Variants in HDX observed in about 807,000 individuals in gnomAD.
HDX encodes highly divergent homeobox.
In HDX, 19 loss-of-function variants were observed where a neutral mutation model predicts 45.2. The ratio of observed to expected loss-of-function variants is 0.42; its 90% CI spans 0.29 to 0.62. The LOEUF (loss-of-function observed/expected upper bound fraction) is 0.62, where lower values mean the gene tolerates loss of function less well. HDX is among the 20% of genes least tolerant of loss of function. HDX has a pLI of 0.20. For missense variants in HDX, 532 were observed against 493.9 expected, an observed-to-expected ratio of 1.08 and a Z score of -0.73; for synonymous variants, 188 against 172.8, an observed-to-expected ratio of 1.09 and a Z score of -0.69.
chrX:84,401,342 A>T (rs2038700963), intron 5 of HDX, among the ~76,000 whole-genome samples: 1 of 112,045 alleles, frequency 8.9e-6, no homozygotes, highest in Non-Finnish European at 1.9e-5. Flanking sequence ...ATCTACAAGG[A>T]ACTTAATCAA....
At chrX:84,364,333 G>C (rs1226087023) in intron 5 of HDX, among the ~76,000 whole-genome samples, 2 of 109,924 alleles carry the variant, frequency 1.8e-5, no homozygotes, top group African/African-American at 6.6e-5. Context: ...GTGTGTTAGA[G>C]ATTTTTCTAA....
Position 84,459,310 on chromosome X carries a change from C to T in HDX, c.1251+9162G>A, listed in dbSNP as rs1195801629. On this transcript the variant is annotated intron_variant, in intron 4 of 10. Coordinates refer to ENST00000373177, the MANE Select transcript of HDX (RefSeq NM_001177479.2). ...ACAAAAAATTAGCCGGGCGTGGTGG[C>T]GGGCGCCTGTAGTCCCAGCTGCTCG... Among the ~76,000 whole-genome samples, 6 of 109,698 alleles carry T rather than the reference C, an allele frequency of 5.5e-5. No individual in the cohort carries two copies. In the East Asian group the frequency reaches 1.7e-3, roughly 31 times the overall value.
chrX:84,465,503 A>T (rs1476568223), intron 4 of HDX, among the ~76,000 whole-genome samples: 1 of 112,459 alleles, frequency 8.9e-6, no homozygotes, highest in Non-Finnish European at 1.9e-5. Flanking sequence ...AAAAAGGATG[A>T]GTTTATGTCC....
intron 5 of HDX, among the ~76,000 whole-genome samples, chrX:84,401,916 C>T (rs2147958438): frequency 1.8e-5 from 2 of 111,733 alleles, no homozygotes; most frequent in South Asian, 7.5e-4. Flanking sequence ...AAGCTGGAAG[C>T]CATCACCCTG....
intron 5 of HDX, among the ~76,000 whole-genome samples, chrX:84,409,682 A>T (rs1453848330): frequency 1.1e-5 from 1 of 88,961 alleles, no homozygotes; most frequent in African/African-American, 4.2e-5. Flanking sequence ...ATGAGAACAC[A>T]TGGACACAGG....
intron 5 of HDX, among the ~76,000 whole-genome samples, chrX:84,437,005 A>G (rs2039652058): frequency 9.0e-6 from 1 of 110,666 alleles, no homozygotes; most frequent in South Asian, 3.7e-4. Flanking sequence ...TAATTGCTCT[A>G]TGTGGGTCCT....
In HDX at chrX:84,468,993, A is replaced by T. The variant is rs776837093; in HGVS notation, c.730T>A (p.Cys244Ser). 3.3e-6 allele frequency: 4 copies of T among 1,211,837 alleles called. No individual in the cohort carries two copies. The South Asian group carries it at 7.0e-5, about 21-fold the overall frequency. Residue 244 changes from cysteine (C) to serine (S), a missense_variant, in exon 4 of 11, where the codon TGT (cysteine) becomes AGT (serine). By Grantham distance (112) the Cys-to-Ser change is moderately radical. Coordinates refer to ENST00000373177, the MANE Select transcript of HDX (RefSeq NM_001177479.2). ...EHTGPALHNL[C>S]GQKPTIRDPY... is the part of the protein sequence containing the mutation. ...TCTCTAATAGTTGGCTTTTGCCCACATAAGTTATGTAATGCTGGGCCTGTG... is the reference window on the plus strand; with the variant it reads ...TCTCTAATAGTTGGCTTTTGCCCACTTAAGTTATGTAATGCTGGGCCTGTG...
chrX:84,413,056 T>G lies in HDX; in HGVS notation c.1305+27476A>C, dbSNP rs146503400. On this transcript the variant is annotated intron_variant, in intron 5 of 10. Transcript: ENST00000373177. Reference sequence around the variant, plus strand: ...GTCTTTCTGCTCCAGTGTCATTTTATAGTATCCCTTAAATTCCTCAGATTG... The same window carrying G: ...GTCTTTCTGCTCCAGTGTCATTTTAGAGTATCCCTTAAATTCCTCAGATTG... Among the ~76,000 whole-genome samples, 16 of 111,904 alleles carry G rather than the reference T, an allele frequency of 1.4e-4. No individual in the cohort carries two copies. In the East Asian group the frequency reaches 4.3e-3, roughly 30 times the overall value.
At position 84,469,326 on chromosome X, in the gene HDX, C is replaced by T. The variant is rs147923445; in HGVS notation, c.397G>A (p.Ala133Thr). 3.3e-6 allele frequency: 4 copies of T among 1,209,241 alleles called. No homozygotes were observed. The African/African-American group carries it at 7.0e-5, about 21-fold the overall frequency. Residue 133 changes from alanine (A) to threonine (T), a missense_variant, in exon 4 of 11, where the codon GCA (alanine) becomes ACA (threonine). Transcript: ENST00000373177. Reference sequence around the variant, plus strand: ...GTTTTCTGAATAGGGATTTTATGTGCTTCTGTAATTTGTGTGTCTGTATGT... The same window carrying T: ...GTTTTCTGAATAGGGATTTTATGTGTTTCTGTAATTTGTGTGTCTGTATGT... ...NKHTDTQITE[A>T]HKIPIQKTAT...
At chrX:84,348,785 G>C (rs2037263998) in intron 6 of HDX, among the ~76,000 whole-genome samples, 2 of 111,226 alleles carry the variant, frequency 1.8e-5, no homozygotes, top group Admixed American at 1.9e-4. Flanking sequence ...GGCTGTATTT[G>C]GTTATTATTG....
intron 5 of HDX, among the ~76,000 whole-genome samples, chrX:84,388,998 C>CA: frequency 9.0e-6 from 1 of 111,682 alleles, no homozygotes; most frequent in Admixed American, 9.5e-5. Flanking sequence ...TCTTGACACT[C>CA]AGAGGGCCAG....
chrX:84,480,467 T>A (rs2040652858), intron 2 of HDX, among the ~76,000 whole-genome samples: 1 of 111,747 alleles, frequency 8.9e-6, no homozygotes, highest in Admixed American at 9.5e-5. Context: ...TTAAGTATGA[T>A]GTTCGCTACA....
At position 84,344,299 on chromosome X, in the gene HDX, A is replaced by G; in HGVS notation, c.1611T>C (p.Asn537=). The stretch of plus-strand genomic sequence containing the variant: ...AGATGGATACTTCATCATTTCTGTC[A>G]TTATCCTCTCCTACTTCAGGCCCAG... ...EEAGPEVGED[N]DRNDEVSICL... Residue 537 remains asparagine, a synonymous_variant, in exon 7 of 11, where the codon AAT becomes AAC. Coordinates refer to ENST00000373177, the MANE Select transcript of HDX (RefSeq NM_001177479.2). The G allele has an allele frequency of 8.3e-7, 1 of 1,208,884 alleles. No individual in the cohort carries two copies. Among genetic ancestry groups the G allele is most frequent in the Non-Finnish European group, 1.1e-6 (1 of 893,341 alleles).
At chrX:84,397,433 G>A (rs779671750) in intron 5 of HDX, among the ~76,000 whole-genome samples, 25 of 111,780 alleles carry the variant, frequency 2.2e-4, no homozygotes, top group African/African-American at 6.5e-4. Flanking sequence ...GTGGTCTTCA[G>A]GCAGCTCCCT....
At position 84,344,398 on chromosome X, in the gene HDX, T is replaced by A. The variant is rs1446776767; in HGVS notation, c.1512A>T (p.Pro504=). The A allele has an allele frequency of 8.3e-7, 1 of 1,206,336 alleles. No individual in the cohort carries two copies. The stretch of plus-strand genomic sequence containing the variant: ...CAGAGAAATCAGCAGGGCCTCCTCT[T>A]GGAGGTGGAACTTCAATCCCCATTA... ...YRLMGIEVPP[P]RGGPADFSEQ... Residue 504 remains proline, a synonymous_variant, in exon 7 of 11, where the codon CCA becomes CCT. Coordinates refer to ENST00000373177, the MANE Select transcript of HDX (RefSeq NM_001177479.2).
At chrX:84,500,472 A>AC (rs1390409161) in intron 1 of HDX, among the ~76,000 whole-genome samples, 29 of 61,900 alleles carry the variant, frequency 4.7e-4, no homozygotes, top group African/African-American at 9.2e-4. Flanking sequence ...ACACACACAC[A>AC]ACAACAACAA....
intron 3 of HDX, 124 bp downstream of exon 3, chrX:84,475,127 T>C: frequency 3.9e-6 from 2 of 514,579 alleles, no homozygotes; most frequent in South Asian, 3.2e-5. Flanking sequence ...AGTATTGTTA[T>C]ACCAGGGAAG....
At position 84,318,432 on chromosome X, in the gene HDX, C is replaced by A. The variant is rs1413413256; in HGVS notation, c.*3457G>T. The A allele has an allele frequency of 9.0e-6, 1 of 110,803 alleles. No individual in the cohort carries two copies. The highest frequency in any genetic ancestry group is 1.9e-5 in the Non-Finnish European group (1 of 52,524). 9.1% of individuals were successfully genotyped at this position (110,803 alleles called of 1,213,427 possible). ...TATATTAAAAAAGTAGACAATATTT[C>A]TGGAATAACACAACTGTAATACGGA... On this transcript the variant is annotated 3_prime_UTR_variant, in exon 11 of 11. Transcript: ENST00000373177.
At chrX:84,379,511 A>T (rs2038137185) in intron 5 of HDX, among the ~76,000 whole-genome samples, 2 of 111,722 alleles carry the variant, frequency 1.8e-5, no homozygotes, top group South Asian at 7.3e-4. Flanking sequence ...ACATTCAAAA[A>T]AATGAAATAA....
Sources: allele counts gnomAD v4.1 joint callset (sites outside exome capture counted in the v4.1 genomes callset), GRCh38; gene constraint gnomAD v4.1.1; transcripts MANE v1.5; gene names NCBI Gene and HGNC (gene_info 2026-07-23, HGNC 2026-07-21).